Variants in ZHX3 observed in about 807,000 individuals in gnomAD.
ZHX3 encodes the protein zinc fingers and homeoboxes protein 3.
ZHX3 carries 20 observed loss-of-function variants against 64.5 expected under a neutral mutation model. The ratio of observed to expected loss-of-function variants is 0.31; its 90% CI spans 0.22 to 0.45. ZHX3 has a LOEUF of 0.45. Among genes scored for constraint, ZHX3 ranks in the 20% least tolerant of loss-of-function variants. The pLI is 1.00. For missense variants in ZHX3, 1,041 were observed against 1,195.8 expected, an observed-to-expected ratio of 0.87 and a Z score of 1.91; for synonymous variants, 423 against 461.6, an observed-to-expected ratio of 0.92 and a Z score of 1.07.
intron 2 of ZHX3, among the ~76,000 whole-genome samples, chr20:41,231,261 C>T (rs948254633): frequency 6.6e-6 from 1 of 152,122 alleles, no homozygotes; most frequent in African/African-American, 2.4e-5. Flanking sequence ...ATGCAGCTCA[C>T]CTTATGTTTC....
At chr20:41,304,712 G>C (rs1164432006) in intron 1 of ZHX3, among the ~76,000 whole-genome samples, 1 of 152,178 alleles carries the variant, frequency 6.6e-6, no homozygotes, top group Non-Finnish European at 1.5e-5. Context: ...AGAAATGGAG[G>C]CAAGAATTGC....
At chr20:41,315,275 C>T (rs370234173) in intron 1 of ZHX3, among the ~76,000 whole-genome samples, 11 of 150,944 alleles carry the variant, frequency 7.3e-5, no homozygotes, top group South Asian at 2.1e-4. Context: ...CTCCGCATCC[C>T]GGGTTCAAGC....
rs1226623368 is a variant in ZHX3, at chr20:41,182,437, C to T, written c.*2754G>A. The T allele has an allele frequency of 5.9e-5, 9 of 152,270 alleles. No homozygotes were observed. The highest frequency in any genetic ancestry group is 1.3e-4 in the Non-Finnish European group (9 of 68,078). The allele number at this position is 152,270 out of a possible 1,614,324, so 9.4% of individuals were successfully genotyped here. A position where few individuals can be genotyped will look rare whatever the true frequency, so the allele number is the denominator to read the frequency against. ...CACAGTGAGCTGTCCTGTGACAGGG[C>T]TACATACCTGGCTGCTGCCATCCCA... On this transcript the variant is annotated 3_prime_UTR_variant, in exon 4 of 4. Transcript: ENST00000683867. This position sits in a 1 kb window ranked among gnomAD's most constrained non-coding sequence, Gnocchi z 6.1.
intron 2 of ZHX3, among the ~76,000 whole-genome samples, chr20:41,225,467 A>C (rs751814884): frequency 1.3e-5 from 2 of 152,166 alleles, no homozygotes; most frequent in Non-Finnish European, 2.9e-5. Context: ...AACACATAAC[A>C]TAAAATTCAT....
intron 2 of ZHX3, among the ~76,000 whole-genome samples, chr20:41,235,877 A>G (rs1158352592): frequency 2.6e-5 from 4 of 152,120 alleles, no homozygotes; most frequent in Non-Finnish European, 4.4e-5. Context: ...AAACCCCATC[A>G]TCTCAGCCCA....
At chr20:41,301,399 C>T (rs1568962633) in intron 1 of ZHX3, among the ~76,000 whole-genome samples, 1 of 152,166 alleles carries the variant, frequency 6.6e-6, no homozygotes, top group Non-Finnish European at 1.5e-5. Flanking sequence ...TAATGCCTTG[C>T]TATGCCCTGT....
At chr20:41,227,349 A>C (rs1306433123) in intron 2 of ZHX3, among the ~76,000 whole-genome samples, 3 of 152,240 alleles carry the variant, frequency 2.0e-5, no homozygotes, top group Non-Finnish European at 2.9e-5. Context: ...CTCTAATCTA[A>C]AACGCAATAA....
chr20:41,238,984 TTC>T (rs1173041096), intron 2 of ZHX3, among the ~76,000 whole-genome samples: 107 of 147,910 alleles, frequency 7.2e-4, no homozygotes, highest in South Asian at 2.3e-3. Flanking sequence ...AGGGCCTATT[TTC>T]TCTCTCTTTT....
rs749753424 is a variant in ZHX3 at position 41,202,045 on chromosome 20, T to C, written c.2860+12A>G. 6.3e-7 allele frequency: 1 copy of C among 1,577,086 alleles called. No homozygotes were observed. Among genetic ancestry groups the C allele is most frequent in the South Asian group, 1.2e-5 (1 of 83,926 alleles). On this transcript the variant is annotated intron_variant, in intron 3 of 3. Coordinates refer to ENST00000683867, the MANE Select transcript of ZHX3 (RefSeq NM_001384317.1). This position sits in a 1 kb window ranked among gnomAD's most constrained non-coding sequence, Gnocchi z 7.0. ...CCACACAGGATAGCCATGGCCCCTGTGGACTCCTTACCGAGCTGACGTCCA... is the reference window on the plus strand; with the variant it reads ...CCACACAGGATAGCCATGGCCCCTGCGGACTCCTTACCGAGCTGACGTCCA...
At chr20:41,280,443 G>A (rs1039737025) in intron 1 of ZHX3, among the ~76,000 whole-genome samples, 2 of 152,120 alleles carry the variant, frequency 1.3e-5, no homozygotes, top group African/African-American at 4.8e-5. Flanking sequence ...AAAGGAAGCA[G>A]AAAATAATTG....
At chr20:41,262,748 T>C (rs894467336) in intron 2 of ZHX3, among the ~76,000 whole-genome samples, 1 of 151,876 alleles carries the variant, frequency 6.6e-6, no homozygotes. Flanking sequence ...AATCAAAAAA[T>C]AGCAAAATAC....
intron 2 of ZHX3, among the ~76,000 whole-genome samples, chr20:41,233,386 T>C (rs549623864): frequency 2.0e-5 from 3 of 152,346 alleles, no homozygotes; most frequent in Admixed American, 2.0e-4. Flanking sequence ...AAAACCTTCC[T>C]AATATCCTTT....
intron 2 of ZHX3, among the ~76,000 whole-genome samples, chr20:41,210,558 G>T (rs2039082293): frequency 2.6e-5 from 4 of 152,214 alleles, no homozygotes; most frequent in Non-Finnish European, 5.9e-5. Context: ...GGACATGGAT[G>T]AAGCTAGAAA....
intron 3 of ZHX3, among the ~76,000 whole-genome samples, chr20:41,193,928 T>C (rs1380761179): frequency 1.3e-5 from 2 of 152,074 alleles, no homozygotes; most frequent in Non-Finnish European, 2.9e-5. Flanking sequence ...TCTCGATCTC[T>C]TGACCTTGTG....
At chr20:41,239,649 A>C (rs1026948745) in intron 2 of ZHX3, 2 of 152,236 alleles carry the variant, frequency 1.3e-5, no homozygotes, top group African/African-American at 4.8e-5. Context: ...GGGTGGGACC[A>C]ATCCTTCTCC....
rs141216196 is a variant in ZHX3 at position 41,264,324 on chromosome 20, G to A, written c.-151+4666C>T. On this transcript the variant is annotated intron_variant, in intron 2 of 3. Coordinates refer to ENST00000683867, the MANE Select transcript of ZHX3 (RefSeq NM_001384317.1). Reference sequence around the variant, plus strand: ...TGGGAGGCCGAGGCGGGTGGATCACGAGGTCAGGAGTTCAAGACCAGCCTG... The same window carrying A: ...TGGGAGGCCGAGGCGGGTGGATCACAAGGTCAGGAGTTCAAGACCAGCCTG... 3.5e-3 allele frequency among the ~76,000 whole-genome samples: 500 copies of A among 144,740 alleles called. 2 individuals carry two copies. Among genetic ancestry groups the A allele is most frequent in the African/African-American group, 0.012 (465 of 38,582 alleles). The allele number at this position is 144,740 out of a possible 152,430, so 95.0% of individuals were successfully genotyped here. A position where few individuals can be genotyped will look rare whatever the true frequency, so the allele number is the denominator to read the frequency against.
At chr20:41,306,964 AATGGTCCAGCT>A (rs2044998454) in intron 1 of ZHX3, among the ~76,000 whole-genome samples, 1 of 152,242 alleles carries the variant, frequency 6.6e-6, no homozygotes, top group African/African-American at 2.4e-5. Context: ...AGGCTAGCAC[AATGGTCCAGCT>A]ATAGCTAACC....
At chr20:41,222,904 G>GT (rs1389323185) in intron 2 of ZHX3, among the ~76,000 whole-genome samples, 3 of 115,068 alleles carry the variant, frequency 2.6e-5, no homozygotes, top group Admixed American at 9.2e-5. Flanking sequence ...AAGAACATTT[G>GT]TTAAAAAAAA....
rs371655822 is a variant in ZHX3 at position 41,251,436 on chromosome 20, T to G, written c.-151+17554A>C. 1.8e-4 allele frequency among the ~76,000 whole-genome samples: 27 copies of G among 152,114 alleles called. No individual in the cohort carries two copies. The East Asian group carries it at 5.2e-3, about 29-fold the overall frequency. On this transcript the variant is annotated intron_variant, in intron 2 of 3. Coordinates refer to ENST00000683867, the MANE Select transcript of ZHX3 (RefSeq NM_001384317.1). ...CTCAGAGCAACTGCTAAGAAAATAA[T>G]ACAAAGAAATACACTAAAAAAACTA...
Sources: allele counts gnomAD v4.1 joint callset (sites outside exome capture counted in the v4.1 genomes callset), GRCh38; gene constraint gnomAD v4.1.1; non-coding constraint Gnocchi (gnomAD v3.1); transcripts MANE v1.5; gene names NCBI Gene and HGNC (gene_info 2026-07-23, HGNC 2026-07-21).